Variants in LMBRD1 observed in about 807,000 individuals in gnomAD.
LMBRD1 encodes the protein LMBR1 domain containing 1.
Under a neutral mutation model 74.8 loss-of-function variants are expected in LMBRD1, and 64 were observed. That is an observed-to-expected ratio of 0.86 (90% CI 0.70 to 1.05). The LOEUF (loss-of-function observed/expected upper bound fraction) is 1.05. Among genes scored for constraint, LMBRD1 ranks in the 50% least tolerant of loss-of-function variants. LMBRD1 has a pLI of 0.00. For missense variants in LMBRD1, 652 were observed against 645.9 expected, an observed-to-expected ratio of 1.01 and a Z score of -0.10; for synonymous variants, 204 against 216.3, an observed-to-expected ratio of 0.94 and a Z score of 0.50.
intron 7 of LMBRD1, among the ~76,000 whole-genome samples, chr6:69,721,804 C>A (rs1239281134): frequency 6.6e-6 from 1 of 152,220 alleles, no homozygotes; most frequent in Non-Finnish European, 1.5e-5. Context: ...CATTTTTAGA[C>A]ATGCCCTGTC....
chr6:69,745,555 G>A (rs548922883), intron 5 of LMBRD1, among the ~76,000 whole-genome samples: 24 of 152,244 alleles, frequency 1.6e-4, no homozygotes, highest in South Asian at 8.3e-4. Context: ...ACCGCGCCCG[G>A]CCAAAAATTT....
chr6:69,677,892 G>A (rs1033552315), intron 14 of LMBRD1, among the ~76,000 whole-genome samples: 3 of 151,884 alleles, frequency 2.0e-5, no homozygotes, highest in African/African-American at 7.3e-5. Context: ...TTTGATATTT[G>A]TGTAAACCCC....
chr6:69,743,632 G>C (rs889818695), intron 5 of LMBRD1, among the ~76,000 whole-genome samples: 3 of 152,156 alleles, frequency 2.0e-5, no homozygotes, highest in Non-Finnish European at 2.9e-5. Flanking sequence ...AGGTATAAAC[G>C]AAAGCACAAA....
chr6:69,706,142 T>C (rs886633361), intron 9 of LMBRD1: 53 of 539,762 alleles, frequency 9.8e-5, no homozygotes, highest in African/African-American at 1.9e-5. Context: ...TTTATGTCCA[T>C]GTCCATCAAA....
At chr6:69,796,752 G>C (rs1582175892) in intron 1 of LMBRD1, 61 bp downstream of exon 1, 2 of 1,526,474 alleles carry the variant, frequency 1.3e-6, no homozygotes, top group East Asian at 4.6e-5. Flanking sequence ...CAACTGCAGG[G>C]CCTGCCCCTC....
At chr6:69,724,945 AT>A (rs1353937970) in intron 7 of LMBRD1, among the ~76,000 whole-genome samples, 1 of 152,086 alleles carries the variant, frequency 6.6e-6, no homozygotes, top group Non-Finnish European at 1.5e-5. Flanking sequence ...CAATGATATA[AT>A]TTTATATTTG....
chr6:69,786,601 C>A (rs113872149), intron 2 of LMBRD1, among the ~76,000 whole-genome samples: 114 of 151,986 alleles, frequency 7.5e-4, no homozygotes, highest in African/African-American at 2.7e-3. Context: ...AAAAGGTTCT[C>A]TTCTGTTATC....
rs758709104 is a variant in LMBRD1 at position 69,790,273 on chromosome 6, C to A, written c.246+23G>T. The stretch of plus-strand genomic sequence containing the variant: ...CCAGAAATTTGAAAGGAAAAAAAAT[C>A]TGCAAAGTAAGATTATATTTACCTT... On this transcript the variant is annotated intron_variant, in intron 2 of 15. Coordinates refer to ENST00000649934, the MANE Select transcript of LMBRD1 (RefSeq NM_018368.4). 7 of 1,550,898 alleles carry A rather than the reference C, an allele frequency of 4.5e-6. No individual in the cohort carries two copies. In the African/African-American group the frequency reaches 8.2e-5, roughly 18 times the overall value.
rs1369824952 is a variant in LMBRD1 at position 69,675,797 on chromosome 6, G to T, written c.*361C>A. On this transcript the variant is annotated 3_prime_UTR_variant, in exon 16 of 16. Transcript: ENST00000649934. The stretch of plus-strand genomic sequence containing the variant: ...CTTTAAAATTCCACATCACTCTGGA[G>T]AACCTAAGGCACAGATACAGATGAT... 8.5e-6 allele frequency: 2 copies of T among 234,280 alleles called. No homozygotes were observed. Among genetic ancestry groups the T allele is most frequent in the East Asian group, 2.1e-4 (2 of 9,376 alleles). The allele number at this position is 234,280 out of a possible 1,614,324, so 14.5% of individuals were successfully genotyped here.
In LMBRD1 at chr6:69,675,013, G is replaced by A. The variant is rs547574749; in HGVS notation, c.*1145C>T. 7.9e-5 allele frequency among the ~76,000 whole-genome samples: 12 copies of A among 152,034 alleles called. No homozygotes were observed. Among genetic ancestry groups the A allele is most frequent in the Non-Finnish European group, 1.3e-4 (9 of 67,914 alleles). The stretch of plus-strand genomic sequence containing the variant: ...AAGAAAATGTAAAATAAGAACAGAA[G>A]GGAATGAAATCCTGGTGAATAATGC... On this transcript the variant is annotated 3_prime_UTR_variant, in exon 16 of 16. Transcript: ENST00000649934.
At chr6:69,716,205 C>T (rs1348296996) in intron 8 of LMBRD1, among the ~76,000 whole-genome samples, 1 of 152,180 alleles carries the variant, frequency 6.6e-6, no homozygotes, top group Non-Finnish European at 1.5e-5. Flanking sequence ...CTACTTTCCA[C>T]AATGGTTGAA....
chr6:69,767,867 G>T (rs768500276), intron 3 of LMBRD1, among the ~76,000 whole-genome samples: 1 of 151,814 alleles, frequency 6.6e-6, no homozygotes, highest in Non-Finnish European at 1.5e-5. Context: ...TTTTGAATTT[G>T]TGTATTTTAA....
intron 4 of LMBRD1, among the ~76,000 whole-genome samples, chr6:69,749,769 T>C (rs890555800): frequency 1.3e-5 from 2 of 150,844 alleles, no homozygotes; most frequent in African/African-American, 4.9e-5. Flanking sequence ...TCAAAATGGT[T>C]TATAACAATA....
chr6:69,780,922 A>G (rs2502548), intron 2 of LMBRD1, among the ~76,000 whole-genome samples: 2,068 of 152,336 alleles, frequency 0.014, 35 homozygotes, highest in East Asian at 0.079. Context: ...AAAAGCTTCA[A>G]GAAGCTAAAT....
At chr6:69,708,105 G>C (rs1457499) in intron 9 of LMBRD1, among the ~76,000 whole-genome samples, 1 of 151,974 alleles carries the variant, frequency 6.6e-6, no homozygotes, top group South Asian at 2.1e-4. Flanking sequence ...TAATGATCTA[G>C]AAGTTACCCA....
chr6:69,737,408 GGAGTATAAGAACAGATTTCATATAAAA>G (rs984542762), intron 7 of LMBRD1, among the ~76,000 whole-genome samples: 1 of 151,708 alleles, frequency 6.6e-6, no homozygotes, highest in African/African-American at 2.4e-5. Context: ...AAAAAGTCTG[GGAGTATAAGAACAGATTTCATATAAAA>G]GAGAAGTATC....
chr6:69,715,872 T>G (rs1195279457), intron 8 of LMBRD1, among the ~76,000 whole-genome samples: 1 of 152,142 alleles, frequency 6.6e-6, no homozygotes, highest in Non-Finnish European at 1.5e-5. Context: ...CATGCAGTAT[T>G]AGATTTTCTG....
At chr6:69,775,112 G>C (rs969669051) in intron 3 of LMBRD1, among the ~76,000 whole-genome samples, 2 of 151,796 alleles carry the variant, frequency 1.3e-5, no homozygotes, top group Non-Finnish European at 2.9e-5. Flanking sequence ...TTTCTGGGGC[G>C]GGCATAACCT....
chr6:69,700,884 T>A lies in LMBRD1; in HGVS notation c.1084-15A>T. 2 of 1,326,062 alleles carry A rather than the reference T, an allele frequency of 1.5e-6. No homozygotes were observed. Among genetic ancestry groups the A allele is most frequent in the Non-Finnish European group, 2.1e-6 (2 of 962,732 alleles). 82.1% of individuals were successfully genotyped at this position (1,326,062 alleles called of 1,614,324 possible). A position where few individuals can be genotyped will look rare whatever the true frequency, so the allele number is the denominator to read the frequency against. On this transcript the variant is annotated splice_polypyrimidine_tract_variant and intron_variant, in intron 11 of 15. Transcript: ENST00000649934. ...AGAGGGAAAACCTGAAAAAAAAAGA[T>A]GAAATTAAATTTAACATATAAACTA...
Sources: gnomAD v4.1 joint callset for allele counts (sites outside exome capture counted in the v4.1 genomes callset) on GRCh38, gnomAD v4.1.1 for gene constraint, MANE v1.5 for transcripts, NCBI Gene and HGNC (gene_info 2026-07-23, HGNC 2026-07-21) for gene names.